SOX5: variants seen among roughly 807,000 people sequenced by gnomAD.
SOX5 encodes transcription factor SOX-5.
A neutral mutation model predicts 92.0 loss-of-function variants in SOX5; 9 were observed. The ratio of observed to expected loss-of-function variants is 0.10; its 90% CI spans 0.06 to 0.17. SOX5 has a LOEUF of 0.17. Among genes scored for constraint, SOX5 ranks in the 10% least tolerant of loss-of-function variants. The pLI, the probability that SOX5 is intolerant of heterozygous loss-of-function variation, is 1.00. For synonymous variants in SOX5, 344 were observed against 336.3 expected (o/e 1.02, Z -0.25); for missense variants, 642 against 944.5 (o/e 0.68, Z 4.20).
chr12:23,802,571 T>G (rs571121070), intron 3 of SOX5, among the ~76,000 whole-genome samples: 28 of 152,192 alleles, frequency 1.8e-4, no homozygotes, highest in African/African-American at 6.5e-4. Context: ...CTTATGGAAA[T>G]CAGCATAGCT....
At chr12:24,233,785 A>G (rs1963898630) in intron 3 of SOX5, among the ~76,000 whole-genome samples, 1 of 152,270 alleles carries the variant, frequency 6.6e-6, no homozygotes, top group Non-Finnish European at 1.5e-5. Context: ...CATATTTGGC[A>G]TTAAGTAACC....
Position 23,532,155 on chromosome 12 carries a change from C to CAA in SOX5, c.*2062_*2063dup. 6.6e-6 allele frequency: 1 copy of CAA among 151,196 alleles called. No homozygotes were observed. Among genetic ancestry groups the CAA allele is most frequent in the Non-Finnish European group, 1.5e-5 (1 of 67,840 alleles). The allele number at this position is 151,196 out of a possible 1,614,324, so 9.4% of individuals were successfully genotyped here. A position where few individuals can be genotyped will look rare whatever the true frequency, so the allele number is the denominator to read the frequency against. On this transcript the variant is annotated 3_prime_UTR_variant, in exon 15 of 15. Coordinates refer to ENST00000451604, the MANE Select transcript of SOX5 (RefSeq NM_006940.6). ...ATCATCATCATCATTACAACACTAG[C>CAA]AAAAAGAGGCAGTTCAAATGTAAAT... is the stretch of plus-strand genomic sequence containing the variant.
chr12:23,567,953 GA>G (rs1947430203), intron 10 of SOX5, among the ~76,000 whole-genome samples: 2 of 152,180 alleles, frequency 1.3e-5, no homozygotes, highest in South Asian at 2.1e-4. Context: ...TACAAGGAAA[GA>G]AAATAAAATA....
intron 9 of SOX5, among the ~76,000 whole-genome samples, chr12:23,590,322 C>T (rs1411537596): frequency 2.0e-5 from 3 of 151,986 alleles, no homozygotes; most frequent in Non-Finnish European, 4.4e-5. Flanking sequence ...TCATTTTTTA[C>T]ACACTTGTAT....
At chr12:24,455,586 G>A (rs569304623) in intron 1 of SOX5, among the ~76,000 whole-genome samples, 25 of 152,240 alleles carry the variant, frequency 1.6e-4, no homozygotes, top group Non-Finnish European at 2.9e-4. Context: ...TGGAGCCCAC[G>A]CTCAAAATAA....
chr12:23,745,416 G>C (rs939628516), intron 4 of SOX5, among the ~76,000 whole-genome samples: 1 of 152,086 alleles, frequency 6.6e-6, no homozygotes, highest in Non-Finnish European at 1.5e-5. Context: ...TCATGTCAGA[G>C]TCTAGTCCTG....
At chr12:24,211,431 CA>C (rs1480694030) in intron 4 of SOX5, among the ~76,000 whole-genome samples, 12 of 152,172 alleles carry the variant, frequency 7.9e-5, no homozygotes, top group African/African-American at 2.9e-4. Flanking sequence ...AATGGATAAT[CA>C]TCTTTTTATT....
At chr12:24,020,318 A>C (rs1015248208) in intron 4 of SOX5, among the ~76,000 whole-genome samples, 2 of 152,180 alleles carry the variant, frequency 1.3e-5, no homozygotes, top group Non-Finnish European at 2.9e-5. Context: ...TGAGGTTACT[A>C]ACACAAACCT....
At chr12:24,143,883 G>T (rs1177229386) in intron 4 of SOX5, among the ~76,000 whole-genome samples, 1 of 150,314 alleles carries the variant, frequency 6.7e-6, no homozygotes, top group African/African-American at 2.4e-5. Flanking sequence ...GGAGGAGGAG[G>T]AAAGGAGGAG....
chr12:24,261,405 C>T (rs1355213972), intron 3 of SOX5, among the ~76,000 whole-genome samples: 1 of 152,142 alleles, frequency 6.6e-6, no homozygotes, highest in Non-Finnish European at 1.5e-5. Flanking sequence ...CACCCACTCT[C>T]GTTAAAAGCA....
At chr12:24,513,824 T>A (rs184050709) in intron 1 of SOX5, among the ~76,000 whole-genome samples, 1 of 152,350 alleles carries the variant, frequency 6.6e-6, no homozygotes, top group Non-Finnish European at 1.5e-5. Context: ...TAGGAAACCT[T>A]AGAGATTTTC....
At chr12:24,335,435 A>G (rs1222606369) in intron 2 of SOX5, among the ~76,000 whole-genome samples, 1 of 152,206 alleles carries the variant, frequency 6.6e-6, no homozygotes, top group Non-Finnish European at 1.5e-5. Context: ...TAAGTGCAGC[A>G]CACATTATCA....
In SOX5 at chr12:23,895,841, C is replaced by T. The variant is rs766205909; in HGVS notation, c.222G>A (p.Thr74=). 1.7e-5 allele frequency: 28 copies of T among 1,613,896 alleles called. No individual in the cohort carries two copies. Among genetic ancestry groups the T allele is most frequent in the East Asian group, 6.7e-5 (3 of 44,888 alleles). The change falls in exon 2 of 15, where the codon ACG becomes ACA. Residue 74 remains threonine (T), a synonymous_variant. Transcript: ENST00000451604. ...SEEFQPVSLL[T]QETCGHRTPT... ...GAGTCCTATGGCCACAAGTCTCTTG[C>T]GTCAGCAGAGAAACTGGCTGAAATT... is the stretch of plus-strand genomic sequence containing the variant.
chr12:23,633,430 A>T (rs1426109378), intron 8 of SOX5, among the ~76,000 whole-genome samples: 3 of 152,116 alleles, frequency 2.0e-5, no homozygotes, highest in African/African-American at 7.2e-5. Flanking sequence ...AAAAATTCAA[A>T]GTGTAACTTC....
intron 9 of SOX5, among the ~76,000 whole-genome samples, chr12:23,600,559 A>ATATATATATATATATT (rs1555191178): frequency 7.1e-6 from 1 of 140,620 alleles, no homozygotes; most frequent in Non-Finnish European, 1.6e-5. Context: ...ATATACACAT[A>ATATATATATATATATT]CTTGGCTTGG....
At chr12:24,292,675 C>T (rs1037144027) in intron 2 of SOX5, among the ~76,000 whole-genome samples, 1 of 152,152 alleles carries the variant, frequency 6.6e-6, no homozygotes, top group Non-Finnish European at 1.5e-5. Context: ...GAATTTTGTT[C>T]TTCTTAGTTA....
chr12:24,160,308 G>T (rs752920407), intron 4 of SOX5, among the ~76,000 whole-genome samples: 4 of 151,942 alleles, frequency 2.6e-5, no homozygotes, highest in Non-Finnish European at 4.4e-5. Context: ...AGAAGAAAAA[G>T]AATCACTATC....
At chr12:24,496,150 CAGAACCTTAGTAACTA>C (rs1452994343) in intron 1 of SOX5, among the ~76,000 whole-genome samples, 1 of 152,114 alleles carries the variant, frequency 6.6e-6, no homozygotes, top group Admixed American at 6.6e-5. Flanking sequence ...GGTGGAATTC[CAGAACCTTAGTAACTA>C]CAACTTCTGC....
At chr12:24,259,876 G>C (rs1941833933) in intron 3 of SOX5, among the ~76,000 whole-genome samples, 1 of 152,178 alleles carries the variant, frequency 6.6e-6, no homozygotes, top group Non-Finnish European at 1.5e-5. Context: ...TAACATTTTA[G>C]TAAGGGAGAG....
Sources: gnomAD v4.1 joint callset for allele counts (sites outside exome capture counted in the v4.1 genomes callset) on GRCh38, gnomAD v4.1.1 for gene constraint, MANE v1.5 for transcripts, NCBI Gene and HGNC (gene_info 2026-07-23, HGNC 2026-07-21) for gene names.